Variants in OVCH1 observed in about 807,000 individuals in gnomAD.
The protein encoded by OVCH1 is ovochymase 1, also known as ovochymase-1.
In OVCH1, 139 loss-of-function variants were observed where a neutral mutation model predicts 138.4. The ratio of observed to expected loss-of-function variants is 1.00; its 90% CI spans 0.87 to 1.16. The LOEUF (loss-of-function observed/expected upper bound fraction) is 1.16, where lower values mean the gene tolerates loss of function less well. Among genes scored for constraint, OVCH1 ranks in the 50% most tolerant of loss-of-function variants. OVCH1 has a pLI of 0.00. For missense variants in OVCH1, 1,367 were observed against 1,357.9 expected, an observed-to-expected ratio of 1.01 and a Z score of -0.11; for synonymous variants, 453 against 467.8, an observed-to-expected ratio of 0.97 and a Z score of 0.41.
intron 14 of OVCH1, among the ~76,000 whole-genome samples, chr12:29,474,157 G>C (rs1942622815): frequency 6.6e-6 from 1 of 151,466 alleles, no homozygotes; most frequent in Admixed American, 6.6e-5. Context: ...CACTGGACTT[G>C]TCTTCCTTCA....
chr12:29,452,275 C>G (rs552714088), intron 21 of OVCH1, among the ~76,000 whole-genome samples: 1 of 152,006 alleles, frequency 6.6e-6, no homozygotes, highest in East Asian at 1.9e-4. Flanking sequence ...ATGCTCTGCC[C>G]TAGAGAAATT....
Position 29,483,897 on chromosome 12 carries a change from C to A in OVCH1, c.995+2349G>T, listed in dbSNP as rs75031040. On this transcript the variant is annotated intron_variant, in intron 8 of 27. Transcript: ENST00000318184. ...CACACTTCTAACCACTCCACACATA[C>A]CTTAAAAACCACACCAAAGAGAATT... Among the ~76,000 whole-genome samples the A allele has an allele frequency of 3.9e-5, 6 of 152,318 alleles. No individual in the cohort carries two copies. The East Asian group carries it at 7.7e-4, about 20-fold the overall frequency.
Position 29,427,720 on chromosome 12 carries a change from G to A in OVCH1, c.3328-72C>T, listed in dbSNP as rs1592029628. ...TTTGTTATAGCAGCTTGAATGGGGT[G>A]ATAGCCTAGCTAACGGGGAAGCCAG... On this transcript the variant is annotated intron_variant, in intron 27 of 27. Coordinates refer to ENST00000318184, the Ensembl canonical transcript of OVCH1. 7.3e-6 allele frequency: 11 copies of A among 1,514,498 alleles called. No individual in the cohort carries two copies. In the South Asian group the frequency reaches 1.4e-4, roughly 19 times the overall value. 93.8% of individuals were successfully genotyped at this position (1,514,498 alleles called of 1,614,324 possible). A position where few individuals can be genotyped will look rare whatever the true frequency, so the allele number is the denominator to read the frequency against.
exon 23 of OVCH1, chr12:29,445,337 G>A (rs1227365671): frequency 6.2e-7 from 1 of 1,611,364 alleles, no homozygotes; most frequent in Admixed American, 1.7e-5. Flanking sequence ...GGCATGGAAT[G>A]TCACCCTCAC....
intron 21 of OVCH1, 128 bp from the exon 22 acceptor site, chr12:29,451,697 A>G: frequency 1.5e-6 from 1 of 668,428 alleles, no homozygotes; most frequent in Admixed American, 3.0e-5. Context: ...TGTCAGTTAC[A>G]AATTATTCTG....
intron 1 of OVCH1, 145 bp downstream of exon 1, chr12:29,497,478 T>C (rs886282073): frequency 6.3e-6 from 6 of 958,204 alleles, no homozygotes; most frequent in East Asian, 5.5e-5. Context: ...CATCTGAGCA[T>C]GCACCACCCC....
At chr12:29,446,777 AC>A (rs1375449262) in intron 22 of OVCH1, among the ~76,000 whole-genome samples, 4 of 152,022 alleles carry the variant, frequency 2.6e-5, no homozygotes, top group Admixed American at 6.6e-5. Context: ...GTATAGAGTC[AC>A]TTTGCCATAT....
the OVCH1 span, among the ~76,000 whole-genome samples, chr12:29,403,328 A>G: frequency 4.6e-5 from 7 of 152,302 alleles, no homozygotes; most frequent in African/African-American, 1.4e-4. Context: ...AGTTGTTTGA[A>G]TATATATATG....
intron 12 of OVCH1, 73 bp downstream of exon 12, chr12:29,477,029 C>A: frequency 2.1e-6 from 3 of 1,415,878 alleles, no homozygotes; most frequent in Non-Finnish European, 2.8e-6. Flanking sequence ...TTTAACAATC[C>A]AGATGAATTA....
intron 24 of OVCH1, among the ~76,000 whole-genome samples, chr12:29,443,759 T>C (rs1411684080): frequency 6.6e-6 from 1 of 152,100 alleles, no homozygotes. Flanking sequence ...TTTTAAATTC[T>C]GATTGAAAAT....
exon 7 of OVCH1, chr12:29,487,794 C>T: frequency 3.7e-6 from 6 of 1,605,592 alleles, no homozygotes; most frequent in Non-Finnish European, 5.1e-6. Flanking sequence ...AACTGAACCT[C>T]CAGCACAACC....
exon 11 of OVCH1, chr12:29,477,473 C>A: frequency 6.2e-7 from 1 of 1,613,872 alleles, no homozygotes; most frequent in Non-Finnish European, 8.5e-7. Flanking sequence ...TTTCCACAGA[C>A]CTTACCTTAA....
exon 4 of OVCH1, chr12:29,495,433 C>T (rs1348109282): frequency 6.2e-7 from 1 of 1,612,952 alleles, no homozygotes; most frequent in South Asian, 1.1e-5. Flanking sequence ...CCCCAGAAGT[C>T]ACAGTTATAT....
At chr12:29,447,920 C>A (rs1362546744) in intron 22 of OVCH1, among the ~76,000 whole-genome samples, 2 of 151,804 alleles carry the variant, frequency 1.3e-5, no homozygotes, top group Admixed American at 1.3e-4. Context: ...CTTCTTGATA[C>A]AAACAGGCAA....
In OVCH1 at chr12:29,429,479, A is replaced by G. The variant is rs1280865090; in HGVS notation, c.3328-1831T>C. Among the ~76,000 whole-genome samples, 5 of 152,242 alleles carry G rather than the reference A, an allele frequency of 3.3e-5. No individual in the cohort carries two copies. The East Asian group carries it at 7.7e-4, about 23-fold the overall frequency. On this transcript the variant is annotated intron_variant, in intron 27 of 27. Coordinates refer to ENST00000318184, the Ensembl canonical transcript of OVCH1. ...AAGGCCAATGTAGGTCATGTTTTACATGTATATTCATTATATAAATACTTG... is the reference window on the plus strand; with the variant it reads ...AAGGCCAATGTAGGTCATGTTTTACGTGTATATTCATTATATAAATACTTG...
chr12:29,479,761 CA>C (rs1942863766), intron 8 of OVCH1, among the ~76,000 whole-genome samples: 1 of 151,188 alleles, frequency 6.6e-6, no homozygotes, highest in Non-Finnish European at 1.5e-5. Context: ...GCCCAGTTTC[CA>C]AAAAGCAAAC....
chr12:29,455,484 C>G, intron 19 of OVCH1, 79 bp from the exon 20 acceptor site: 1 of 1,415,988 alleles, frequency 7.1e-7, no homozygotes, highest in Non-Finnish European at 9.5e-7. Context: ...ACAAGAATGA[C>G]CAATAATGTA....
At chr12:29,437,971 A>T (rs1185758117) in intron 26 of OVCH1, among the ~76,000 whole-genome samples, 1 of 152,160 alleles carries the variant, frequency 6.6e-6, no homozygotes, top group African/African-American at 2.4e-5. Context: ...AACACTTCTT[A>T]TATTAATTAC....
rs554825171 is a variant in OVCH1, at chr12:29,477,016, C to T, written c.1377+86G>A. ...TAAAAGAAGCTCCTAGTCATAATGG[C>T]AATTTAACAATCCAGATGAATTAAG... On this transcript the variant is annotated intron_variant, in intron 12 of 27. Coordinates refer to ENST00000318184, the Ensembl canonical transcript of OVCH1. 16 of 1,376,058 alleles carry T rather than the reference C, an allele frequency of 1.2e-5. No homozygotes were observed. In the South Asian group the frequency reaches 2.8e-4, roughly 24 times the overall value. 85.2% of individuals were successfully genotyped at this position (1,376,058 alleles called of 1,614,324 possible).
Sources: gnomAD v4.1 joint callset for allele counts (sites outside exome capture counted in the v4.1 genomes callset) on GRCh38, gnomAD v4.1.1 for gene constraint, MANE v1.5 for transcripts, NCBI Gene and HGNC (gene_info 2026-07-23, HGNC 2026-07-21) for gene names.